The following NLRP11 variants were observed in gnomAD, a reference collection of about 807,000 sequenced individuals.
NLRP11 encodes the protein NACHT, LRR and PYD domains-containing protein 11.
NLRP11 carries 53 observed loss-of-function variants against 79.3 expected under a neutral mutation model. The ratio of observed to expected loss-of-function variants is 0.67; its 90% CI spans 0.54 to 0.84. The LOEUF (loss-of-function observed/expected upper bound fraction) is 0.84, where lower values mean the gene tolerates loss of function less well. Among genes scored for constraint, NLRP11 ranks in the 40% least tolerant of loss-of-function variants. The pLI is 0.00. For synonymous variants in NLRP11, 518 were observed against 462.6 expected (o/e 1.12, Z -1.54); for missense variants, 1,264 against 1,255.0 (o/e 1.01, Z -0.11).
intron 9 of NLRP11, among the ~76,000 whole-genome samples, chr19:55,788,363 C>CT (rs74179639): frequency 0.24 from 33,523 of 140,570 alleles, 4,029 homozygotes; most frequent in South Asian, 0.44. Flanking sequence ...AGAGGAAAGA[C>CT]TTTTTTTTTT....
intron 4 of NLRP11, among the ~76,000 whole-genome samples, chr19:55,803,028 C>T (rs1390550685): frequency 6.6e-6 from 1 of 152,068 alleles, no homozygotes; most frequent in Non-Finnish European, 1.5e-5. Flanking sequence ...AGATGGATTA[C>T]AGACAAAATG....
chr19:55,830,838 G>A (rs1020206414), intron 1 of NLRP11, among the ~76,000 whole-genome samples: 2 of 151,958 alleles, frequency 1.3e-5, no homozygotes, highest in African/African-American at 4.8e-5. Flanking sequence ...GTCCCAAGTC[G>A]GCGTTGCATC....
rs1362667326 is a variant in NLRP11, at chr19:55,827,559, A to C, written c.-63+4404T>G. 3.3e-5 allele frequency among the ~76,000 whole-genome samples: 5 copies of C among 149,946 alleles called. No individual in the cohort carries two copies. The East Asian group carries it at 1.0e-3, about 31-fold the overall frequency. On this transcript the variant is annotated intron_variant, in intron 1 of 9. Transcript: ENST00000589093. ...TCCAGAATCTACAATGAACTCAAAC[A>C]AATTTACAAGAAAAAAACAAACAAC...
chr19:55,832,942 A>G (rs35259835), upstream of NLRP11: 14,856 of 152,272 alleles, frequency 0.098, 757 homozygotes, highest in East Asian at 0.13. Flanking sequence ...AAATTATCAT[A>G]TTGGAGATAA....
At chr19:55,823,831 A>T (rs1982050931) in intron 1 of NLRP11, among the ~76,000 whole-genome samples, 1 of 148,080 alleles carries the variant, frequency 6.8e-6, no homozygotes, top group African/African-American at 2.5e-5. Flanking sequence ...CAAGTTGGAA[A>T]ACGCTCTGCA....
chr19:55,812,366 G>T (rs1355090854), intron 2 of NLRP11, among the ~76,000 whole-genome samples: 1 of 152,152 alleles, frequency 6.6e-6, no homozygotes, highest in African/African-American at 2.4e-5. Context: ...CAGATCAATA[G>T]AATTGGCCTA....
intron 4 of NLRP11, among the ~76,000 whole-genome samples, chr19:55,807,002 C>A (rs1980062486): frequency 6.6e-6 from 1 of 152,110 alleles, no homozygotes; most frequent in Non-Finnish European, 1.5e-5. Context: ...ACTTATGCAC[C>A]CTGACCTTGC....
intron 1 of NLRP11, among the ~76,000 whole-genome samples, chr19:55,823,167 C>G (rs538808045): frequency 3.7e-4 from 54 of 146,164 alleles, no homozygotes; most frequent in East Asian, 2.1e-3. Flanking sequence ...ACACCTCACA[C>G]GGCAGGGTAT....
At chr19:55,785,955 G>T in intron 9 of NLRP11, 84 bp from the exon 10 acceptor site, 1 of 1,393,156 alleles carries the variant, frequency 7.2e-7, no homozygotes. Flanking sequence ...TCCCCATATG[G>T]CATCCTTTGG....
At chr19:55,792,630 T>C (rs1978387652) in intron 6 of NLRP11, among the ~76,000 whole-genome samples, 159 bp from the exon 7 acceptor site, 1 of 152,194 alleles carries the variant, frequency 6.6e-6, no homozygotes, top group Non-Finnish European at 1.5e-5. Flanking sequence ...AGATTAGAAG[T>C]ACCCCAAATA....
chr19:55,823,022 C>G (rs1981938331), intron 1 of NLRP11, among the ~76,000 whole-genome samples: 1 of 150,744 alleles, frequency 6.6e-6, no homozygotes, highest in Non-Finnish European at 1.5e-5. Flanking sequence ...TGTCTGACAG[C>G]TTTGAAGAGA....
exon 2 of NLRP11, chr19:55,818,083 G>A (rs760870911): frequency 1.9e-6 from 3 of 1,613,786 alleles, no homozygotes; most frequent in East Asian, 2.2e-5. Flanking sequence ...AATCTTGCGT[G>A]CCAGATACTT....
At chr19:55,805,505 G>A (rs1246350260) in intron 4 of NLRP11, among the ~76,000 whole-genome samples, 2 of 150,500 alleles carry the variant, frequency 1.3e-5, no homozygotes, top group Non-Finnish European at 2.9e-5. Flanking sequence ...CCAAGTCTTT[G>A]CCCCATGTTG....
chr19:55,790,263 C>T (rs2616937), intron 7 of NLRP11, among the ~76,000 whole-genome samples: 114,361 of 151,964 alleles, frequency 0.75, 43,301 homozygotes, highest in African/African-American at 0.79. Flanking sequence ...GACGGCCTTT[C>T]TCTATAAGGG....
intron 2 of NLRP11, among the ~76,000 whole-genome samples, chr19:55,815,770 C>T (rs1023180787): frequency 2.0e-5 from 3 of 152,106 alleles, no homozygotes; most frequent in Non-Finnish European, 4.4e-5. Context: ...GAATCCTTCT[C>T]AGAGGCAGAG....
chr19:55,788,286 T>C (rs1303766218), intron 9 of NLRP11, among the ~76,000 whole-genome samples: 2 of 152,094 alleles, frequency 1.3e-5, no homozygotes, highest in Non-Finnish European at 2.9e-5. Context: ...ATATCAACTG[T>C]CATCTTTTAC....
In NLRP11 at chr19:55,792,561, G is replaced by A. The variant is rs1327457184; in HGVS notation, c.2343-90C>T. Reference sequence around the variant, plus strand: ...CCCACCCCACGCCCACGGGCGCCTCGATGCCTTCTACTGCCATTGCCCCAA... The same window carrying A: ...CCCACCCCACGCCCACGGGCGCCTCAATGCCTTCTACTGCCATTGCCCCAA... On this transcript the variant is annotated intron_variant, in intron 6 of 9. Coordinates refer to ENST00000589093, the Ensembl canonical transcript of NLRP11. 1.0e-5 allele frequency: 10 copies of A among 955,662 alleles called. No individual in the cohort carries two copies. In the East Asian group the frequency reaches 1.4e-4, roughly 14 times the overall value. The allele number at this position is 955,662 out of a possible 1,614,324, so 59.2% of individuals were successfully genotyped here. A position where few individuals can be genotyped will look rare whatever the true frequency, so the allele number is the denominator to read the frequency against.
In NLRP11 at chr19:55,801,728, A is replaced by G. The variant is rs779490770; in HGVS notation, c.2015T>C (p.Val672Ala). 5 of 1,614,130 alleles carry G rather than the reference A, an allele frequency of 3.1e-6. No homozygotes were observed. The Admixed American group carries it at 8.3e-5, about 27-fold the overall frequency. ...GTCTTCAAAACCAGAAGCAGTCGAG[A>G]CATAGGACAACCTGTGGAAGACATA... The change falls in exon 5 of 10, where the codon GTC (valine) becomes GCC (alanine). Residue 672 changes from valine to alanine, a missense_variant. Val to Ala is a moderately conservative substitution (Grantham distance 64, BLOSUM62 0). Transcript: ENST00000589093.
intron 1 of NLRP11, among the ~76,000 whole-genome samples, chr19:55,821,736 T>G (rs1981759766): frequency 1.4e-5 from 2 of 145,798 alleles, no homozygotes; most frequent in African/African-American, 5.2e-5. Flanking sequence ...ATTAACATTG[T>G]TAGTGATGGG....
Sources: gnomAD v4.1 joint callset for allele counts (sites outside exome capture counted in the v4.1 genomes callset) on GRCh38, gnomAD v4.1.1 for gene constraint, MANE v1.5 for transcripts, NCBI Gene and HGNC (gene_info 2026-07-23, HGNC 2026-07-21) for gene names.